SNTG1: variants seen among roughly 807,000 people sequenced by gnomAD.
SNTG1 encodes syntrophin gamma 1.
SNTG1 carries 39 observed loss-of-function variants against 74.7 expected under a neutral mutation model. That is an observed-to-expected ratio of 0.52 (90% CI 0.40 to 0.68). The LOEUF (loss-of-function observed/expected upper bound fraction) is 0.68. Ranked by LOEUF, SNTG1 falls within the 30% of genes least tolerant of loss-of-function variation. The pLI, the probability that SNTG1 is intolerant of heterozygous loss-of-function variation, is 0.00. For synonymous variants in SNTG1, 254 were observed against 217.1 expected, an observed-to-expected ratio of 1.17 and a Z score of -1.49; for missense variants, 685 against 609.5, an observed-to-expected ratio of 1.12 and a Z score of -1.30.
At chr8:50,679,051 T>C (rs553562974) in intron 15 of SNTG1, among the ~76,000 whole-genome samples, 1 of 152,216 alleles carries the variant, frequency 6.6e-6, no homozygotes, top group South Asian at 2.1e-4. Context: ...CATGGAATAA[T>C]ATTCAATTTT....
chr8:49,948,013 C>T (rs1174794847), intron 1 of SNTG1, among the ~76,000 whole-genome samples: 2 of 151,998 alleles, frequency 1.3e-5, no homozygotes, highest in African/African-American at 4.8e-5. Context: ...AGCCTATAAT[C>T]CCAGTTACTC....
chr8:50,585,882 T>A (rs181814303), intron 12 of SNTG1, among the ~76,000 whole-genome samples: 56 of 152,338 alleles, frequency 3.7e-4, no homozygotes, highest in Admixed American at 3.3e-3. Flanking sequence ...ATTGCCAGTA[T>A]CTTTATATTG....
rs1282187933 is a variant in SNTG1, at chr8:50,555,632, T to C, written c.810+2453T>C. Among the ~76,000 whole-genome samples the C allele has an allele frequency of 2.6e-5, 4 of 152,260 alleles. No individual in the cohort carries two copies. In the East Asian group the frequency reaches 7.7e-4, roughly 29 times the overall value. On this transcript the variant is annotated intron_variant, in intron 12 of 18. Transcript: ENST00000642720. ...TTTATTTGCCAATATTCTGAGAGTA[T>C]AGGCTTGTATAAGTCTGACTTGAAT...
At chr8:50,271,075 T>TA (rs2087752493) in intron 2 of SNTG1, among the ~76,000 whole-genome samples, 1 of 152,126 alleles carries the variant, frequency 6.6e-6, no homozygotes, top group Admixed American at 6.5e-5. Flanking sequence ...CAAATTCAAA[T>TA]AAAAAATGAG....
chr8:50,294,679 A>G (rs944818261), intron 2 of SNTG1, among the ~76,000 whole-genome samples: 1 of 152,218 alleles, frequency 6.6e-6, no homozygotes, highest in Admixed American at 6.5e-5. Flanking sequence ...CCCAGAGTCC[A>G]CAGATTTAAA....
At chr8:50,424,783 C>G (rs1018758063) in intron 4 of SNTG1, among the ~76,000 whole-genome samples, 4 of 151,994 alleles carry the variant, frequency 2.6e-5, no homozygotes, top group Admixed American at 2.6e-4. Flanking sequence ...TCATGACAGA[C>G]AAGTATATAG....
intron 13 of SNTG1, among the ~76,000 whole-genome samples, chr8:50,601,308 T>A (rs1252366935): frequency 6.6e-6 from 1 of 152,024 alleles, no homozygotes; most frequent in Non-Finnish European, 1.5e-5. Context: ...CCCATAGGTT[T>A]TATTATGTTG....
At chr8:49,926,444 G>C (rs1296782792) in intron 1 of SNTG1, among the ~76,000 whole-genome samples, 5 of 151,994 alleles carry the variant, frequency 3.3e-5, no homozygotes, top group African/African-American at 1.2e-4. Flanking sequence ...CAAACACCAT[G>C]ATGTTATATC....
At chr8:50,350,035 G>T (rs905174977) in intron 2 of SNTG1, among the ~76,000 whole-genome samples, 1 of 152,198 alleles carries the variant, frequency 6.6e-6, no homozygotes, top group Admixed American at 6.5e-5. Context: ...CCTGCCGGCC[G>T]GGCAATGAGG....
At chr8:49,960,011 A>T (rs1810535999) in intron 1 of SNTG1, among the ~76,000 whole-genome samples, 1 of 152,212 alleles carries the variant, frequency 6.6e-6, no homozygotes. Flanking sequence ...TCAACAGTAT[A>T]ACTCAAAATT....
chr8:50,134,043 C>A (rs938509047), intron 1 of SNTG1, among the ~76,000 whole-genome samples: 1 of 152,090 alleles, frequency 6.6e-6, no homozygotes, highest in South Asian at 2.1e-4. Flanking sequence ...TTAGTTAAGG[C>A]CAATACATAA....
At chr8:50,459,648 CAAT>C (rs1344837836) in intron 8 of SNTG1, among the ~76,000 whole-genome samples, 13 of 152,068 alleles carry the variant, frequency 8.5e-5, no homozygotes. Context: ...TATTACTCAA[CAAT>C]AAGTTGTTCA....
intron 2 of SNTG1, among the ~76,000 whole-genome samples, chr8:50,370,978 A>T (rs1445708793): frequency 6.6e-6 from 1 of 152,132 alleles, no homozygotes; most frequent in Non-Finnish European, 1.5e-5. Flanking sequence ...GTTTAATAGG[A>T]TAATAATTTT....
chr8:50,677,887 G>A (rs2095315331), intron 15 of SNTG1, among the ~76,000 whole-genome samples: 1 of 151,798 alleles, frequency 6.6e-6, no homozygotes, highest in East Asian at 1.9e-4. Context: ...TATTTTAACT[G>A]TCATGCATTA....
At chr8:50,575,010 A>T (rs1446951788) in intron 12 of SNTG1, among the ~76,000 whole-genome samples, 2 of 152,094 alleles carry the variant, frequency 1.3e-5, no homozygotes, top group African/African-American at 2.4e-5. Context: ...GGCATTTCAC[A>T]TTTTCACATT....
chr8:50,405,382 G>A (rs534978008), intron 4 of SNTG1, among the ~76,000 whole-genome samples: 7 of 152,018 alleles, frequency 4.6e-5, no homozygotes, highest in Non-Finnish European at 1.0e-4. Flanking sequence ...GTTTTCATTT[G>A]CATTCTCCTG....
At chr8:50,338,257 C>G (rs1263267852) in intron 2 of SNTG1, among the ~76,000 whole-genome samples, 1 of 152,158 alleles carries the variant, frequency 6.6e-6, no homozygotes, top group South Asian at 2.1e-4. Context: ...CTTCCGGCAT[C>G]TACAGCTGCA....
At chr8:50,453,719 G>A (rs2093476897) in intron 8 of SNTG1, among the ~76,000 whole-genome samples, 1 of 152,150 alleles carries the variant, frequency 6.6e-6, no homozygotes, top group Admixed American at 6.5e-5. Flanking sequence ...TTATTTTGAT[G>A]GCACCAAATG....
At chr8:50,538,254 G>A (rs999765478) in intron 11 of SNTG1, among the ~76,000 whole-genome samples, 2 of 151,908 alleles carry the variant, frequency 1.3e-5, no homozygotes. Flanking sequence ...ACACTATATC[G>A]GGTGGTATTA....
Sources: allele counts gnomAD v4.1 joint callset (sites outside exome capture counted in the v4.1 genomes callset), GRCh38; gene constraint gnomAD v4.1.1; transcripts MANE v1.5; gene names NCBI Gene and HGNC (gene_info 2026-07-23, HGNC 2026-07-21).